The following FBXO8 variants were observed in gnomAD, a reference collection of about 807,000 sequenced individuals.
The protein encoded by FBXO8 is F-box only protein 8.
Under a neutral mutation model 33.4 loss-of-function variants are expected in FBXO8, and 15 were observed. The ratio of observed to expected loss-of-function variants is 0.45; its 90% confidence interval spans 0.30 to 0.69. FBXO8 has a LOEUF of 0.69. Among genes scored for constraint, FBXO8 ranks in the 30% least tolerant of loss-of-function variants. FBXO8 has a pLI of 0.08. For synonymous variants in FBXO8, 132 were observed against 131.5 expected (o/e 1.00, Z -0.02); for missense variants, 274 against 380.3 (o/e 0.72, Z 2.32).
At position 174,263,413 on chromosome 4, in the gene FBXO8, T is replaced by C. The variant is rs1339761112; in HGVS notation, c.-8-313A>G. On this transcript the variant is annotated intron_variant, in intron 1 of 5. Transcript: ENST00000393674. The surrounding 1 kb of genome is among the most constrained non-coding windows in gnomAD (Gnocchi z 4.2). ...AAAGTTACTGATGTCCTTAATACTC[T>C]TACAAATTATAATTATGTGGACTTA... is the stretch of plus-strand genomic sequence containing the variant. Among the ~76,000 whole-genome samples, 1 of 152,188 alleles carries C rather than the reference T, an allele frequency of 6.6e-6. No individual in the cohort carries two copies. The highest frequency in any genetic ancestry group is 1.5e-5 in the Non-Finnish European group (1 of 68,018).
intron 1 of FBXO8, among the ~76,000 whole-genome samples, chr4:174,269,385 C>G (rs1354891318): frequency 6.6e-6 from 1 of 151,726 alleles, no homozygotes; most frequent in Non-Finnish European, 1.5e-5. Context: ...CCTTATTTTT[C>G]AGAATGGTAA....
rs967843649 is a variant in FBXO8 at position 174,259,142 on chromosome 4, T to C, written c.456+557A>G. Among the ~76,000 whole-genome samples, 1 of 151,890 alleles carries C rather than the reference T, an allele frequency of 6.6e-6. No individual in the cohort carries two copies. Among genetic ancestry groups the C allele is most frequent in the Non-Finnish European group, 1.5e-5 (1 of 67,898 alleles). On this transcript the variant is annotated intron_variant, in intron 3 of 5. Coordinates refer to ENST00000393674, the MANE Select transcript of FBXO8 (RefSeq NM_012180.3). This position sits in a 1 kb window ranked among gnomAD's most constrained non-coding sequence, Gnocchi z 4.3. ...TTTTCACATTTTGATCATGCTTACA[T>C]GTTATGTTAAGAAAGAATTAAATAA... is the stretch of plus-strand genomic sequence containing the variant.
At position 174,253,560 on chromosome 4, in the gene FBXO8, CAT is replaced by C. The variant is rs1403713552; in HGVS notation, c.456+6137_456+6138del. Reference sequence around the variant, plus strand: ...ACCAGAAACAAGGAAGGCTGAATCACATGTTTTAAGTGTATCACTAGTTAAAA... The same window carrying C: ...ACCAGAAACAAGGAAGGCTGAATCACGTTTTAAGTGTATCACTAGTTAAAA... On this transcript the variant is annotated intron_variant, in intron 3 of 5. Transcript: ENST00000393674. The surrounding 1 kb of genome is among the most constrained non-coding windows in gnomAD (Gnocchi z 4.5). Among the ~76,000 whole-genome samples the C allele has an allele frequency of 6.6e-6, 1 of 152,180 alleles. No homozygotes were observed. The highest frequency in any genetic ancestry group is 2.4e-5 in the African/African-American group (1 of 41,458).
intron 3 of FBXO8, among the ~76,000 whole-genome samples, chr4:174,246,372 G>A (rs2126418932): frequency 6.6e-6 from 1 of 152,050 alleles, no homozygotes; most frequent in East Asian, 1.9e-4. Context: ...TCAAATAGCT[G>A]AAGGATACTA....
At chr4:174,260,380 A>G (rs888488818) in intron 2 of FBXO8, among the ~76,000 whole-genome samples, 1 of 152,048 alleles carries the variant, frequency 6.6e-6, no homozygotes, top group African/African-American at 2.4e-5. Context: ...AAATAAAACT[A>G]AATGGGAGGA....
chr4:174,281,201 T>C lies in FBXO8; in HGVS notation c.-9+2209A>G, dbSNP rs1467254649. Among the ~76,000 whole-genome samples, 1 of 152,148 alleles carries C rather than the reference T, an allele frequency of 6.6e-6. No homozygotes were observed. Among genetic ancestry groups the C allele is most frequent in the Non-Finnish European group, 1.5e-5 (1 of 68,032 alleles). ...CCTTTCCATCTCTTTTTTCCCTATA[T>C]TCATGACTTCCACAAATCACTACTC... On this transcript the variant is annotated intron_variant, in intron 1 of 5. Coordinates refer to ENST00000393674, the MANE Select transcript of FBXO8 (RefSeq NM_012180.3). This position sits in a 1 kb window ranked among gnomAD's most constrained non-coding sequence, Gnocchi z 4.6.
At chr4:174,240,873 A>G (rs1296303942) in intron 4 of FBXO8, among the ~76,000 whole-genome samples, 1 of 151,680 alleles carries the variant, frequency 6.6e-6, no homozygotes, top group Admixed American at 6.6e-5. Flanking sequence ...TTGGGCTTCC[A>G]TTTTGTGTAC....
At position 174,275,931 on chromosome 4, in the gene FBXO8, C is replaced by A. The variant is rs1389092042; in HGVS notation, c.-9+7479G>T. On this transcript the variant is annotated intron_variant, in intron 1 of 5. Coordinates refer to ENST00000393674, the MANE Select transcript of FBXO8 (RefSeq NM_012180.3). The surrounding 1 kb of genome is among the most constrained non-coding windows in gnomAD (Gnocchi z 4.4). ...AGTAAGGTACAAATGCAAAAAGGAT[C>A]GATATTTGTGTAACTCTTAGTCTAA... 1.3e-5 allele frequency among the ~76,000 whole-genome samples: 2 copies of A among 151,820 alleles called. No individual in the cohort carries two copies. Among genetic ancestry groups the A allele is most frequent in the Non-Finnish European group, 1.5e-5 (1 of 67,950 alleles).
In FBXO8 at chr4:174,237,271, C is replaced by A; in HGVS notation, c.*141G>T. ...AGGAAATTACTAAAATAGAAAATGG[C>A]AAAAGAAAAAAAGGTTGCACACTGA... On this transcript the variant is annotated 3_prime_UTR_variant, in exon 6 of 6. Transcript: ENST00000393674. This position sits in a 1 kb window ranked among gnomAD's most constrained non-coding sequence, Gnocchi z 4.4. 1.6e-6 allele frequency: 1 copy of A among 625,694 alleles called. No individual in the cohort carries two copies. The highest frequency in any genetic ancestry group is 3.9e-5 in the South Asian group (1 of 25,358). 38.8% of individuals were successfully genotyped at this position (625,694 alleles called of 1,614,324 possible).
At position 174,262,740 on chromosome 4, in the gene FBXO8, T is replaced by C. The variant is rs1317782589; in HGVS notation, c.329+24A>G. The C allele has an allele frequency of 6.3e-7, 1 of 1,597,652 alleles. No individual in the cohort carries two copies. Among genetic ancestry groups the C allele is most frequent in the Non-Finnish European group, 8.6e-7 (1 of 1,166,506 alleles). On this transcript the variant is annotated intron_variant, in intron 2 of 5. Coordinates refer to ENST00000393674, the MANE Select transcript of FBXO8 (RefSeq NM_012180.3). This position sits in a 1 kb window ranked among gnomAD's most constrained non-coding sequence, Gnocchi z 4.6. ...TGATTATGTTTAGAGATACCTGAAT[T>C]CAACTTTGGTGGGTTTAACTTACCC...
intron 3 of FBXO8, among the ~76,000 whole-genome samples, chr4:174,250,002 CA>C (rs1736251102): frequency 1.3e-5 from 2 of 152,000 alleles, no homozygotes; most frequent in Admixed American, 6.6e-5. Context: ...AGGCCTAGAA[CA>C]GTGCCTGGTT....
rs1006522595 is a variant in FBXO8, at chr4:174,267,530, G to A, written c.-8-4430C>T. Among the ~76,000 whole-genome samples, 7 of 152,228 alleles carry A rather than the reference G, an allele frequency of 4.6e-5. 1 individual carries two copies. Among genetic ancestry groups the A allele is most frequent in the Non-Finnish European group, 1.0e-4 (7 of 68,018 alleles). On this transcript the variant is annotated intron_variant, in intron 1 of 5. Coordinates refer to ENST00000393674, the MANE Select transcript of FBXO8 (RefSeq NM_012180.3). This position sits in a 1 kb window ranked among gnomAD's most constrained non-coding sequence, Gnocchi z 4.7. ...CCACTGCACTCCAGCCTGAGTGACA[G>A]AGTGAGACCTTGCCTCTAAAAAAAA... is the stretch of plus-strand genomic sequence containing the variant.
In FBXO8 at chr4:174,253,982, TG is replaced by T. The variant is rs1736358243; in HGVS notation, c.456+5716del. ...GAGATCATCATCTCACTAAAGTAAC[TG>T]GGATACCTGCATCCAGGACTCTTTT... On this transcript the variant is annotated intron_variant, in intron 3 of 5. Coordinates refer to ENST00000393674, the MANE Select transcript of FBXO8 (RefSeq NM_012180.3). This position sits in a 1 kb window ranked among gnomAD's most constrained non-coding sequence, Gnocchi z 4.5. Among the ~76,000 whole-genome samples, 3 of 152,284 alleles carry T rather than the reference TG, an allele frequency of 2.0e-5. No individual in the cohort carries two copies. The highest frequency in any genetic ancestry group is 1.3e-4 in the Admixed American group (2 of 15,282).
In FBXO8 at chr4:174,237,472, A is replaced by G. The variant is rs764154242; in HGVS notation, c.900T>C (p.Ser300=). The G allele has an allele frequency of 6.2e-7, 1 of 1,613,734 alleles. No homozygotes were observed. The highest frequency in any genetic ancestry group is 1.1e-5 in the South Asian group (1 of 91,054). ...RNTRRAAQNI[S]EDFVGHLYDN... Reference sequence around the variant, plus strand: ...CATAAAGATGCCCTACAAAATCTTCACTAATATTTTGAGCAGCGCGACGGG... The same window carrying G: ...CATAAAGATGCCCTACAAAATCTTCGCTAATATTTTGAGCAGCGCGACGGG... Residue 300 remains serine (S), a synonymous_variant, in exon 6 of 6, where the codon AGT becomes AGC. Coordinates refer to ENST00000393674, the MANE Select transcript of FBXO8 (RefSeq NM_012180.3). The surrounding 1 kb of genome is among the most constrained non-coding windows in gnomAD (Gnocchi z 4.4).
Position 174,274,575 on chromosome 4 carries a change from T to C in FBXO8, c.-9+8835A>G, listed in dbSNP as rs1369415440. Among the ~76,000 whole-genome samples, 1 of 152,184 alleles carries C rather than the reference T, an allele frequency of 6.6e-6. No homozygotes were observed. Among genetic ancestry groups the C allele is most frequent in the African/African-American group, 2.4e-5 (1 of 41,434 alleles). ...GGCCATAGTTCCAACACGCACTAGT[T>C]TCAGTTAACATGGTAAAATGCAAAA... On this transcript the variant is annotated intron_variant, in intron 1 of 5. Coordinates refer to ENST00000393674, the MANE Select transcript of FBXO8 (RefSeq NM_012180.3). This position sits in a 1 kb window ranked among gnomAD's most constrained non-coding sequence, Gnocchi z 4.0.
chr4:174,258,796 T>A (rs72702236), intron 3 of FBXO8, among the ~76,000 whole-genome samples: 10,302 of 152,090 alleles, frequency 0.068, 450 homozygotes, highest in Middle Eastern at 0.1. Context: ...ATATTTTACA[T>A]AGGAGAAACA....
Position 174,241,304 on chromosome 4 carries a change from T to C in FBXO8, c.457-86A>G, listed in dbSNP as rs568088496. The stretch of plus-strand genomic sequence containing the variant: ...TTAAGCAATAGCACAACAGTAGCTA[T>C]AAATTCTTTCCAGCATTAATAGACT... On this transcript the variant is annotated intron_variant, in intron 3 of 5. Coordinates refer to ENST00000393674, the MANE Select transcript of FBXO8 (RefSeq NM_012180.3). This position sits in a 1 kb window ranked among gnomAD's most constrained non-coding sequence, Gnocchi z 4.2. The C allele has an allele frequency of 2.0e-5, 14 of 700,780 alleles. No homozygotes were observed. In the East Asian group the frequency reaches 3.8e-4, roughly 19 times the overall value. The allele number at this position is 700,780 out of a possible 1,614,324, so 43.4% of individuals were successfully genotyped here.
At chr4:174,266,711 A>T (rs1228267151) in intron 1 of FBXO8, among the ~76,000 whole-genome samples, 1 of 152,166 alleles carries the variant, frequency 6.6e-6, no homozygotes, top group Admixed American at 6.6e-5. Flanking sequence ...TACTTACAGG[A>T]CCCTGGGAAA....
Position 174,267,436 on chromosome 4 carries a change from A to G in FBXO8, c.-8-4336T>C, listed in dbSNP as rs1218203865. On this transcript the variant is annotated intron_variant, in intron 1 of 5. Transcript: ENST00000393674. This position sits in a 1 kb window ranked among gnomAD's most constrained non-coding sequence, Gnocchi z 4.7. ...ATGGTGCATACCTGTAGTCCTATCC[A>G]CTCAGGAGTCTGAGGCAGGAAGATC... Among the ~76,000 whole-genome samples the G allele has an allele frequency of 2.0e-5, 3 of 152,108 alleles. No individual in the cohort carries two copies. The highest frequency in any genetic ancestry group is 7.2e-5 in the African/African-American group (3 of 41,428).
Sources: allele counts gnomAD v4.1 joint callset (sites outside exome capture counted in the v4.1 genomes callset), GRCh38; gene constraint gnomAD v4.1.1; non-coding constraint Gnocchi (gnomAD v3.1); transcripts MANE v1.5; gene names NCBI Gene and HGNC (gene_info 2026-07-23, HGNC 2026-07-21).